Variants in BCR observed in about 807,000 individuals in gnomAD.
BCR encodes the protein BCR activator of RhoGEF and GTPase, also known as breakpoint cluster region protein.
BCR carries 58 observed loss-of-function variants against 138.6 expected under a neutral mutation model. The observed-to-expected ratio is 0.42, with a 90% CI of 0.34 to 0.52. BCR has a LOEUF of 0.52. Among genes scored for constraint, BCR ranks in the 20% least tolerant of loss-of-function variants. BCR has a pLI of 0.06. For missense variants in BCR, 1,599 were observed against 1,727.2 expected, an observed-to-expected ratio of 0.93 and a Z score of 1.32; for synonymous variants, 786 against 730.1, an observed-to-expected ratio of 1.08 and a Z score of -1.23.
intron 1 of BCR, among the ~76,000 whole-genome samples, chr22:23,190,800 A>C (rs1351060523): frequency 1.3e-5 from 2 of 152,196 alleles, no homozygotes; most frequent in African/African-American, 4.8e-5. Flanking sequence ...TGAGCCAGGC[A>C]TCAGGAGGGC....
In BCR at chr22:23,180,592, A is replaced by AGCGGCGGCGGCAG. The variant is rs373742833; in HGVS notation, c.-369_-368insGCGGCGGCGGCAG. 366 of 182,242 alleles carry AGCGGCGGCGGCAG rather than the reference A, an allele frequency of 2.0e-3. 1 individual carries two copies. The highest frequency in any genetic ancestry group is 6.8e-3 in the African/African-American group (282 of 41,214). 11.3% of individuals were successfully genotyped at this position (182,242 alleles called of 1,614,324 possible). On this transcript the variant is annotated 5_prime_UTR_variant, in exon 1 of 23. Transcript: ENST00000305877. The stretch of plus-strand genomic sequence containing the variant: ...AGGAGGCGGCGGCGGCGGCGGCGGC[A>AGCGGCGGCGGCAG]CGGCGGCGGCGGGGCTGTGGGGCGG...
chr22:23,314,334 C>G (rs988564927), intron 21 of BCR, among the ~76,000 whole-genome samples: 1 of 152,218 alleles, frequency 6.6e-6, no homozygotes, highest in African/African-American at 2.4e-5. Context: ...CCCCCCTCTT[C>G]CCTCCGAGTC....
intron 1 of BCR, among the ~76,000 whole-genome samples, chr22:23,192,794 A>G (rs2072431584): frequency 6.6e-6 from 1 of 152,180 alleles, no homozygotes; most frequent in African/African-American, 2.4e-5. Flanking sequence ...TCTGTTGTGC[A>G]GGTTCTGGGA....
intron 21 of BCR, 146 bp from the exon 22 acceptor site, chr22:23,314,406 C>T (rs1213446687): frequency 2.0e-6 from 2 of 981,432 alleles, no homozygotes; most frequent in African/African-American, 3.2e-5. Flanking sequence ...GCCACTGAGA[C>T]CCAGAAGTAC....
intron 1 of BCR, among the ~76,000 whole-genome samples, chr22:23,198,902 C>T (rs2072513666): frequency 6.6e-6 from 1 of 151,988 alleles, no homozygotes. Flanking sequence ...GGTGTATCAC[C>T]TGAGGTCAGG....
At chr22:23,254,074 G>C in intron 2 of BCR, 94 bp downstream of exon 2, 5 of 1,403,416 alleles carry the variant, frequency 3.6e-6, no homozygotes, top group Non-Finnish European at 4.8e-6. Flanking sequence ...GTAGGTGGTG[G>C]AGCAGCCAAT....
At chr22:23,308,237 T>C (rs35831268) in intron 16 of BCR, among the ~76,000 whole-genome samples, 3 of 152,124 alleles carry the variant, frequency 2.0e-5, no homozygotes, top group Admixed American at 6.5e-5. Context: ...TCTAGCTGTG[T>C]AAATCCCAGG....
At chr22:23,279,662 T>C (rs185654922) in intron 8 of BCR, among the ~76,000 whole-genome samples, 30 of 152,378 alleles carry the variant, frequency 2.0e-4, no homozygotes, top group Admixed American at 2.0e-3. Context: ...TCAGCTGCTA[T>C]GTGGGCTTCT....
chr22:23,181,171 G>A lies in BCR; in HGVS notation c.211G>A (p.Asp71Asn). 7.2e-7 allele frequency: 1 copy of A among 1,382,354 alleles called. No homozygotes were observed. The highest frequency in any genetic ancestry group is 3.0e-5 in the East Asian group (1 of 32,928). 85.6% of individuals were successfully genotyped at this position (1,382,354 alleles called of 1,614,324 possible). Residue 71 changes from aspartate (D) to asparagine (N), a missense_variant, in exon 1 of 23, where the codon GAC (aspartate) becomes AAC (asparagine). Coordinates refer to ENST00000305877, the MANE Select transcript of BCR (RefSeq NM_004327.4). Reference sequence around the variant, plus strand: ...GCTGGCCAAGGAAAAGAAGAGCTATGACCGGCAGCGATGGGGCTTCCGGCG... The same window carrying A: ...GCTGGCCAAGGAAAAGAAGAGCTATAACCGGCAGCGATGGGGCTTCCGGCG... ...TLLAKEKKSY[D>N]RQRWGFRRAA...
chr22:23,307,120 G>T (rs569791472), intron 16 of BCR, among the ~76,000 whole-genome samples: 1 of 152,182 alleles, frequency 6.6e-6, no homozygotes, highest in South Asian at 2.1e-4. Flanking sequence ...TAGAGCCAGG[G>T]TCTCTCGCTT....
intron 6 of BCR, 75 bp from the exon 7 acceptor site, chr22:23,273,005 CT>C (rs1351983689): frequency 2.2e-5 from 34 of 1,531,714 alleles, no homozygotes; most frequent in Admixed American, 1.5e-4. Flanking sequence ...CCCACTCACC[CT>C]TGCACCGAGG....
chr22:23,222,647 T>C (rs2072838587), intron 1 of BCR, among the ~76,000 whole-genome samples: 1 of 152,134 alleles, frequency 6.6e-6, no homozygotes, highest in African/African-American at 2.4e-5. Flanking sequence ...GCTTCAGGGC[T>C]GTGACCAACA....
chr22:23,273,627 G>A lies in BCR; in HGVS notation c.1975-7G>A, dbSNP rs1312586746. The A allele has an allele frequency of 6.2e-7, 1 of 1,613,460 alleles. No individual in the cohort carries two copies. The highest frequency in any genetic ancestry group is 1.7e-5 in the Admixed American group (1 of 60,014). The stretch of plus-strand genomic sequence containing the variant: ...GTGTCTAACTCAAGTCTTTCTTCCT[G>A]GGGCAGGACTTGCTGAAGCACACTC... On this transcript the variant is annotated splice_polypyrimidine_tract_variant and splice_region_variant and intron_variant, in intron 7 of 22. Transcript: ENST00000305877.
chr22:23,228,782 CT>C (rs1196283261), intron 1 of BCR, among the ~76,000 whole-genome samples: 2 of 152,088 alleles, frequency 1.3e-5, no homozygotes, highest in Non-Finnish European at 2.9e-5. Flanking sequence ...GCTTTCAAGA[CT>C]TTTTTCTTTA....
chr22:23,275,192 G>T (rs567025692), intron 8 of BCR, among the ~76,000 whole-genome samples: 1 of 152,328 alleles, frequency 6.6e-6, no homozygotes, highest in Non-Finnish European at 1.5e-5. Flanking sequence ...TCTCCTGGTG[G>T]GCCTGGCCCA....
rs528784327 is a variant in BCR at position 23,256,947 on chromosome 22, C to T, written c.1461+2967C>T. ...GTAGGGTCATGGTAGGAGGGCCTTC[C>T]TTCCATGTCACTGACTTCTTTTTCC... On this transcript the variant is annotated intron_variant, in intron 2 of 22. Transcript: ENST00000305877. Among the ~76,000 whole-genome samples, 3 of 152,190 alleles carry T rather than the reference C, an allele frequency of 2.0e-5. No individual in the cohort carries two copies. The South Asian group carries it at 6.2e-4, about 32-fold the overall frequency.
At chr22:23,215,601 T>C (rs1006941645) in intron 1 of BCR, among the ~76,000 whole-genome samples, 2 of 152,238 alleles carry the variant, frequency 1.3e-5, no homozygotes, top group Non-Finnish European at 2.9e-5. Flanking sequence ...AGATGGGAAG[T>C]GTTACAGTGT....
At chr22:23,193,473 A>G (rs1322003999) in intron 1 of BCR, among the ~76,000 whole-genome samples, 1 of 152,236 alleles carries the variant, frequency 6.6e-6, no homozygotes, top group Non-Finnish European at 1.5e-5. Context: ...ATTGAACATC[A>G]CTTAGCAAAA....
intron 8 of BCR, chr22:23,283,143 G>T (rs9624074): frequency 0.31 from 47,374 of 152,202 alleles, 8,352 homozygotes; most frequent in African/African-American, 0.47. Flanking sequence ...GTACCAGGCA[G>T]GGGTGACTTA....
Sources: gnomAD v4.1 joint callset for allele counts (sites outside exome capture counted in the v4.1 genomes callset) on GRCh38, gnomAD v4.1.1 for gene constraint, MANE v1.5 for transcripts, NCBI Gene and HGNC (gene_info 2026-07-23, HGNC 2026-07-21) for gene names.